The following BLOC1S3 variants were observed in gnomAD, a reference collection of about 807,000 sequenced individuals.
BLOC1S3 encodes the protein biogenesis of lysosomal organelles complex 1 subunit 3, also known as biogenesis of lysosome-related organelles complex 1 subunit 3.
A neutral mutation model predicts 9.1 loss-of-function variants in BLOC1S3; 7 were observed. The observed-to-expected ratio is 0.77, with a 90% CI of 0.44 to 1.45. The LOEUF (loss-of-function observed/expected upper bound fraction) is 1.45, where lower values mean the gene tolerates loss of function less well. BLOC1S3 is among the 40% of genes most tolerant of loss of function. BLOC1S3 has a pLI of 0.01. For missense variants in BLOC1S3, 307 were observed against 315.2 expected (o/e 0.97, Z 0.20); for synonymous variants, 145 against 158.4 (o/e 0.92, Z 0.64).
intron 3 of BLOC1S3, chr19:45,212,844 C>T: frequency 4.2e-6 from 2 of 480,294 alleles, no homozygotes; most frequent in Non-Finnish European, 7.1e-6. Flanking sequence ...AAGCAATCCT[C>T]CGGCCTCAGC....
intron 3 of BLOC1S3, among the ~76,000 whole-genome samples, chr19:45,210,078 C>T (rs1167262174): frequency 6.9e-6 from 1 of 143,944 alleles, no homozygotes; most frequent in Non-Finnish European, 1.5e-5. Context: ...AAATTATGCA[C>T]ATGAAAAACA....
intron 3 of BLOC1S3, among the ~76,000 whole-genome samples, chr19:45,207,349 TCTCAAA>T (rs1172095495): frequency 6.6e-6 from 1 of 151,156 alleles, no homozygotes; most frequent in African/African-American, 2.4e-5. Flanking sequence ...GCCAGGCTGG[TCTCAAA>T]CTCCTGACCT....
At chr19:45,214,526 G>A (rs567335755) in intron 3 of BLOC1S3, among the ~76,000 whole-genome samples, 12 of 151,940 alleles carry the variant, frequency 7.9e-5, no homozygotes, top group East Asian at 7.8e-4. Context: ...GTGCAGTGGC[G>A]CGATCTCAGC....
chr19:45,183,420 G>A (rs1969541547), downstream of BLOC1S3, among the ~76,000 whole-genome samples: 1 of 150,806 alleles, frequency 6.6e-6, no homozygotes, highest in Non-Finnish European at 1.5e-5. Flanking sequence ...CAGTTGCAGT[G>A]AGCCAAGATT....
chr19:45,207,736 C>T (rs1048703013), intron 3 of BLOC1S3, among the ~76,000 whole-genome samples: 1 of 151,794 alleles, frequency 6.6e-6, no homozygotes, highest in African/African-American at 2.4e-5. Flanking sequence ...GACTCCATCT[C>T]AAAAAATTAA....
chr19:45,211,040 G>A (rs890683750), intron 3 of BLOC1S3, among the ~76,000 whole-genome samples: 2 of 152,308 alleles, frequency 1.3e-5, no homozygotes, highest in Admixed American at 1.3e-4. Flanking sequence ...TGGGCTAGGA[G>A]GTAGAGGCTG....
chr19:45,195,013 T>C (rs562922019), intron 2 of BLOC1S3, among the ~76,000 whole-genome samples: 10 of 150,266 alleles, frequency 6.7e-5, no homozygotes, highest in Admixed American at 6.0e-4. Context: ...CTCACTGCAA[T>C]CTCCGCCTCC....
chr19:45,196,912 A>AG (rs368980143), intron 2 of BLOC1S3, among the ~76,000 whole-genome samples: 2 of 150,066 alleles, frequency 1.3e-5, no homozygotes, highest in East Asian at 3.9e-4. Flanking sequence ...AAAAAAAAAA[A>AG]TCAATTTTAG....
Position 45,180,543 on chromosome 19 carries a change from C to T in BLOC1S3, c.*638C>T. 1 of 164,734 alleles carries T rather than the reference C, an allele frequency of 6.1e-6. No homozygotes were observed. The allele number at this position is 164,734 out of a possible 1,614,324, so 10.2% of individuals were successfully genotyped here. A position where few individuals can be genotyped will look rare whatever the true frequency, so the allele number is the denominator to read the frequency against. On this transcript the variant is annotated 3_prime_UTR_variant, in exon 2 of 2. Transcript: ENST00000433642. ...AAAGTGCTGGGGTTACAGGTGTGAG[C>T]CACCACACACTGGGCTCTGCTCTGC...
At chr19:45,211,991 A>G (rs1969776793) in intron 3 of BLOC1S3, among the ~76,000 whole-genome samples, 1 of 151,996 alleles carries the variant, frequency 6.6e-6, no homozygotes, top group Non-Finnish European at 1.5e-5. Context: ...TTCCTGCGTC[A>G]ACCCAGGAGG....
At position 45,191,054 on chromosome 19, in the gene BLOC1S3, C is replaced by T. The variant is rs574707833; in HGVS notation, n.180+3314C>T. On this transcript the variant is annotated intron_variant and non_coding_transcript_variant, in intron 2 of 3. Transcript: ENST00000591569. The stretch of plus-strand genomic sequence containing the variant: ...TCTCCTGACCTCACGATCCGCCCGC[C>T]TCGGCCTCCCAAAGTGCTGGGATTA... 4.6e-5 allele frequency among the ~76,000 whole-genome samples: 7 copies of T among 151,826 alleles called. No individual in the cohort carries two copies. In the South Asian group the frequency reaches 1.5e-3, roughly 32 times the overall value.
downstream of BLOC1S3, among the ~76,000 whole-genome samples, chr19:45,182,497 A>G (rs58854055): frequency 0.066 from 9,956 of 151,920 alleles, 1,114 homozygotes; most frequent in African/African-American, 0.23. Context: ...GTGAAACTCT[A>G]TCTCCACTAA....
Position 45,212,598 on chromosome 19 carries a change from CTT to C in BLOC1S3, n.283-4057_283-4056del, listed in dbSNP as rs530736333. ...CTCTTTGGCCTCTGTTTCCCCCTAC[CTT>C]TTTTTTTTTTTTTTTTTTTTGAGAA... On this transcript the variant is annotated intron_variant and non_coding_transcript_variant, in intron 3 of 3. Transcript: ENST00000591569. 9.7e-4 allele frequency: 108 copies of C among 111,272 alleles called. 1 individual carries two copies. Among genetic ancestry groups the C allele is most frequent in the East Asian group, 2.3e-3 (9 of 3,832 alleles). 6.9% of individuals were successfully genotyped at this position (111,272 alleles called of 1,614,324 possible).
chr19:45,206,660 G>A (rs371353019), intron 3 of BLOC1S3, among the ~76,000 whole-genome samples: 1 of 146,900 alleles, frequency 6.8e-6, no homozygotes, highest in East Asian at 2.0e-4. Flanking sequence ...GGTGTCTCAT[G>A]TGCTGCCCAG....
rs554846520 is a variant in BLOC1S3 at position 45,209,576 on chromosome 19, T to C, written n.282+7069T>C. On this transcript the variant is annotated intron_variant and non_coding_transcript_variant, in intron 3 of 3. Coordinates refer to the BLOC1S3 transcript ENST00000591569. ...AGCTGGGACTACAGGCGCCTGCCAC[T>C]ACGCCCAGCTAATTTTTTGTATTTT... 8.7e-3 allele frequency among the ~76,000 whole-genome samples: 1,315 copies of C among 151,964 alleles called. 21 individuals carry two copies. Among genetic ancestry groups the C allele is most frequent in the African/African-American group, 0.03 (1,233 of 41,436 alleles).
downstream of BLOC1S3, among the ~76,000 whole-genome samples, chr19:45,182,213 C>G (rs1969529910): frequency 6.6e-6 from 1 of 151,896 alleles, no homozygotes; most frequent in African/African-American, 2.4e-5. Context: ...TGTATCACGC[C>G]TGTAATCCTA....
At chr19:45,214,456 GTGTTTGTTTGTT>G (rs57770472) in intron 3 of BLOC1S3, among the ~76,000 whole-genome samples, 1 of 151,328 alleles carries the variant, frequency 6.6e-6, no homozygotes, top group South Asian at 2.1e-4. Flanking sequence ...GTTTTTTTGT[GTGTTTGTTTGTT>G]TGTTTGTTTG....
chr19:45,210,340 C>T (rs1369416110), intron 3 of BLOC1S3, among the ~76,000 whole-genome samples: 3 of 95,798 alleles, frequency 3.1e-5, no homozygotes, highest in African/African-American at 4.1e-5. Context: ...TGCTCTGTCT[C>T]TTAGGCTGGA....
chr19:45,186,575 C>T (rs543537092), downstream of BLOC1S3, among the ~76,000 whole-genome samples: 143 of 151,940 alleles, frequency 9.4e-4, 1 homozygote, highest in African/African-American at 3.2e-3. Context: ...TGTGGTGGCA[C>T]GCACCTGTAA....
Sources: gnomAD v4.1 joint callset for allele counts (sites outside exome capture counted in the v4.1 genomes callset) on GRCh38, gnomAD v4.1.1 for gene constraint, MANE v1.5 for transcripts, NCBI Gene and HGNC (gene_info 2026-07-23, HGNC 2026-07-21) for gene names.